The following HCRTR2 variants were observed in gnomAD, a reference collection of about 807,000 sequenced individuals.
The protein encoded by HCRTR2 is orexin receptor type 2.
HCRTR2 carries 22 observed loss-of-function variants against 49.0 expected under a neutral mutation model. The ratio of observed to expected loss-of-function variants is 0.45; its 90% CI spans 0.32 to 0.64. The LOEUF is 0.64. HCRTR2 is among the 30% of genes least tolerant of loss of function. The pLI, the probability that HCRTR2 is intolerant of heterozygous loss-of-function variation, is 0.04. For synonymous variants in HCRTR2, 236 were observed against 205.3 expected (o/e 1.15, Z -1.28); for missense variants, 491 against 559.4 (o/e 0.88, Z 1.23).
At chr6:55,170,126 T>C (rs1764927882), upstream of HCRTR2, among the ~76,000 whole-genome samples, 1 of 151,720 alleles carries the variant, frequency 6.6e-6, no homozygotes, top group Non-Finnish European at 1.5e-5. Context: ...AGAGCTAAAA[T>C]AAATGACAAG....
rs150374223 is a variant in HCRTR2, at chr6:55,163,637, A to G, written c.-377-10574A>G. On this transcript the variant is annotated intron_variant, in intron 1 of 7. Transcript: ENST00000615358. The stretch of plus-strand genomic sequence containing the variant: ...TACAAAAATTAACTCAAGATGGATT[A>G]AAGACTTAAACGTAAGACCTAAAAA... Among the ~76,000 whole-genome samples, 165 of 152,348 alleles carry G rather than the reference A, an allele frequency of 1.1e-3. 3 individuals carry two copies. In the East Asian group the frequency reaches 0.024, roughly 22 times the overall value.
At chr6:55,243,253 C>T (rs1174064465) in intron 1 of HCRTR2, among the ~76,000 whole-genome samples, 3 of 152,072 alleles carry the variant, frequency 2.0e-5, no homozygotes, top group Non-Finnish European at 4.4e-5. Flanking sequence ...CCTCTTTTGC[C>T]CTCATTTGCT....
chr6:55,144,811 G>A (rs1223741976), intron 1 of HCRTR2, among the ~76,000 whole-genome samples: 2 of 152,078 alleles, frequency 1.3e-5, no homozygotes, highest in South Asian at 2.1e-4. Flanking sequence ...TGCATTAGTG[G>A]CTTCCAAATC....
intron 1 of HCRTR2, among the ~76,000 whole-genome samples, chr6:55,183,520 C>A (rs547321631): frequency 1.3e-5 from 2 of 152,228 alleles, no homozygotes; most frequent in East Asian, 3.9e-4. Flanking sequence ...AAGATCTAGG[C>A]TTTGACACTG....
At chr6:55,205,841 C>A (rs1254603371) in intron 1 of HCRTR2, among the ~76,000 whole-genome samples, 1 of 151,960 alleles carries the variant, frequency 6.6e-6, no homozygotes, top group Non-Finnish European at 1.5e-5. Flanking sequence ...TGGTATAACG[C>A]AACTCTATTT....
At chr6:55,173,035 G>A (rs967127518), upstream of HCRTR2, among the ~76,000 whole-genome samples, 1 of 152,144 alleles carries the variant, frequency 6.6e-6, no homozygotes, top group African/African-American at 2.4e-5. Flanking sequence ...AACAGATGTA[G>A]GTGGGAGCTA....
In HCRTR2 at chr6:55,255,928, G is replaced by C. The variant is rs9382473; in HGVS notation, c.646+549G>C. ...TATTCATAATACATTATTGCTACTC[G>C]CATAATTATTATCCAGTTTAAGAAT... On this transcript the variant is annotated intron_variant, in intron 3 of 6. Coordinates refer to ENST00000370862, the MANE Select transcript of HCRTR2 (RefSeq NM_001384272.1). 2.3e-3 allele frequency among the ~76,000 whole-genome samples: 343 copies of C among 152,116 alleles called. 1 individual carries two copies. Among genetic ancestry groups the C allele is most frequent in the African/African-American group, 7.5e-3 (312 of 41,516 alleles).
chr6:55,282,004 T>G (rs184814540), intron 6 of HCRTR2, among the ~76,000 whole-genome samples: 2 of 152,246 alleles, frequency 1.3e-5, no homozygotes, highest in South Asian at 4.2e-4. Flanking sequence ...AAGCCCCATA[T>G]GTGAAAGGCA....
At chr6:55,241,105 C>T (rs941922896) in intron 1 of HCRTR2, among the ~76,000 whole-genome samples, 8 of 148,134 alleles carry the variant, frequency 5.4e-5, no homozygotes, top group African/African-American at 2.0e-4. Flanking sequence ...GTATATCTCC[C>T]AATGCTATCC....
intron 1 of HCRTR2, among the ~76,000 whole-genome samples, chr6:55,191,323 G>A (rs1460459932): frequency 1.3e-5 from 2 of 152,076 alleles, no homozygotes; most frequent in African/African-American, 4.8e-5. Flanking sequence ...AATAGAATCA[G>A]TAGTGCAAAA....
intron 1 of HCRTR2, among the ~76,000 whole-genome samples, chr6:55,111,100 T>C (rs758338048): frequency 1.3e-5 from 2 of 151,940 alleles, no homozygotes; most frequent in African/African-American, 2.4e-5. Context: ...TACATGGAAA[T>C]TAAATAACGT....
intron 1 of HCRTR2, among the ~76,000 whole-genome samples, chr6:55,229,199 A>AT (rs1766067656): frequency 6.6e-6 from 1 of 152,138 alleles, no homozygotes; most frequent in African/African-American, 2.4e-5. Flanking sequence ...CCACTATAAA[A>AT]ATTTTTTGTT....
At chr6:55,262,314 T>C (rs1290720711) in intron 3 of HCRTR2, among the ~76,000 whole-genome samples, 1 of 142,452 alleles carries the variant, frequency 7.0e-6, no homozygotes, top group African/African-American at 2.6e-5. Context: ...CGACATAATA[T>C]ATAAATATAT....
chr6:55,141,138 T>A (rs2127252792), intron 1 of HCRTR2, among the ~76,000 whole-genome samples: 1 of 146,726 alleles, frequency 6.8e-6, no homozygotes, highest in South Asian at 2.2e-4. Flanking sequence ...ATCGAGACCA[T>A]CCTGGCTAAC....
intron 1 of HCRTR2, among the ~76,000 whole-genome samples, chr6:55,242,469 C>T (rs9382471): frequency 0.24 from 37,032 of 151,978 alleles, 4,654 homozygotes; most frequent in Non-Finnish European, 0.28. Context: ...CATTGTCCCT[C>T]TCTGTTTTTA....
At chr6:55,125,607 C>T (rs527991253) in intron 1 of HCRTR2, among the ~76,000 whole-genome samples, 28 of 152,168 alleles carry the variant, frequency 1.8e-4, no homozygotes, top group African/African-American at 6.5e-4. Context: ...TTGCTTTTCT[C>T]GAGGAGTATC....
chr6:55,200,827 G>A (rs1353282441), intron 1 of HCRTR2, among the ~76,000 whole-genome samples: 1 of 151,720 alleles, frequency 6.6e-6, no homozygotes, highest in Non-Finnish European at 1.5e-5. Flanking sequence ...CTTTAATTCT[G>A]TTTAGATATT....
intron 1 of HCRTR2, among the ~76,000 whole-genome samples, chr6:55,210,441 C>T (rs2127291358): frequency 6.6e-6 from 1 of 152,204 alleles, no homozygotes; most frequent in East Asian, 1.9e-4. Context: ...GGGTGGACAT[C>T]TGGCCTGGGG....
chr6:55,212,847 C>G (rs1207675149), intron 1 of HCRTR2, among the ~76,000 whole-genome samples: 1 of 152,114 alleles, frequency 6.6e-6, no homozygotes, highest in Non-Finnish European at 1.5e-5. Flanking sequence ...AATCAAAATG[C>G]ATCTGACAAA....
Sources: gnomAD v4.1 joint callset for allele counts (sites outside exome capture counted in the v4.1 genomes callset) on GRCh38, gnomAD v4.1.1 for gene constraint, MANE v1.5 for transcripts, NCBI Gene and HGNC (gene_info 2026-07-23, HGNC 2026-07-21) for gene names.